GRB10: variants seen among roughly 807,000 people sequenced by gnomAD.
GRB10 encodes the protein growth factor receptor-bound protein 10.
In GRB10, 20 loss-of-function variants were observed where a neutral mutation model predicts 80.9. The observed-to-expected ratio is 0.25, with a 90% CI of 0.17 to 0.36. The LOEUF is 0.36. Ranked by LOEUF, GRB10 falls within the 10% of genes least tolerant of loss-of-function variation. The pLI is 1.00. For synonymous variants in GRB10, 291 were observed against 291.5 expected, an observed-to-expected ratio of 1.00 and a Z score of 0.02; for missense variants, 548 against 747.7, an observed-to-expected ratio of 0.73 and a Z score of 3.12.
chr7:50,736,357 C>A (rs568810367), intron 3 of GRB10, among the ~76,000 whole-genome samples: 59 of 152,304 alleles, frequency 3.9e-4, no homozygotes, highest in Non-Finnish European at 7.6e-4. Flanking sequence ...TCAAAACAGT[C>A]TGGTACTAAC....
chr7:50,758,032 A>G (rs1031211441), intron 2 of GRB10, among the ~76,000 whole-genome samples: 1 of 152,224 alleles, frequency 6.6e-6, no homozygotes. Flanking sequence ...ATTTTCTAGG[A>G]AGTTGATATT....
chr7:50,695,800 ATTT>A, intron 5 of GRB10, among the ~76,000 whole-genome samples: 1 of 152,298 alleles, frequency 6.6e-6, no homozygotes, highest in East Asian at 1.9e-4. Flanking sequence ...TAGTAATTAT[ATTT>A]TTATTTTCAT....
At chr7:50,741,408 T>C (rs2071709950) in intron 3 of GRB10, among the ~76,000 whole-genome samples, 1 of 152,140 alleles carries the variant, frequency 6.6e-6, no homozygotes, top group South Asian at 2.1e-4. Context: ...AAAAACCTGT[T>C]ACATGCTGCC....
chr7:50,687,824 T>G (rs2062290544), intron 5 of GRB10, among the ~76,000 whole-genome samples: 1 of 152,226 alleles, frequency 6.6e-6, no homozygotes. Flanking sequence ...AGATTTCTAT[T>G]TCCAAATGGA....
At chr7:50,752,955 C>T (rs900213554) in intron 3 of GRB10, among the ~76,000 whole-genome samples, 4 of 152,204 alleles carry the variant, frequency 2.6e-5, no homozygotes, top group Admixed American at 1.3e-4. Context: ...CAAGAGCTAA[C>T]GAATAGAAAC....
chr7:50,761,360 G>A (rs1587945156), intron 2 of GRB10, among the ~76,000 whole-genome samples: 1 of 152,022 alleles, frequency 6.6e-6, no homozygotes, highest in African/African-American at 2.4e-5. Flanking sequence ...TTCCTTTTAG[G>A]GAAAAGAAAA....
At chr7:50,786,661 A>C (rs895353787), upstream of GRB10, among the ~76,000 whole-genome samples, 1 of 152,260 alleles carries the variant, frequency 6.6e-6, no homozygotes, top group Non-Finnish European at 1.5e-5. Context: ...GTAAACTGTG[A>C]GAGTAGATGG....
rs1489948586 is a variant in GRB10 at position 50,686,584 on chromosome 7, T to A, written c.140-11926A>T. ...GGGAGAGAGATTTCACAGTGGGGAG[T>A]CATGAGAGAGGAAAAGACTCATGTT... On this transcript the variant is annotated intron_variant, in intron 5 of 18. Transcript: ENST00000401949. 9.9e-5 allele frequency among the ~76,000 whole-genome samples: 15 copies of A among 151,986 alleles called. 1 individual carries two copies. The South Asian group carries it at 1.7e-3, about 17-fold the overall frequency.
Position 50,664,035 on chromosome 7 carries a change from C to T in GRB10, c.504+5687G>A, listed in dbSNP as rs552112994. Reference sequence around the variant, plus strand: ...CATCCAATTTTCTGGTGACACTGGTCCCATGCTCCTGCTGGCCATGCTCGG... The same window carrying T: ...CATCCAATTTTCTGGTGACACTGGTTCCATGCTCCTGCTGGCCATGCTCGG... On this transcript the variant is annotated intron_variant, in intron 7 of 18. Transcript: ENST00000401949. Among the ~76,000 whole-genome samples the T allele has an allele frequency of 2.0e-5, 3 of 152,332 alleles. No individual in the cohort carries two copies. The East Asian group carries it at 5.8e-4, about 29-fold the overall frequency.
chr7:50,625,779 A>C lies in GRB10; in HGVS notation c.661+1043T>G, dbSNP rs1445702667. Among the ~76,000 whole-genome samples the C allele has an allele frequency of 2.0e-5, 3 of 152,264 alleles. No individual in the cohort carries two copies. In the South Asian group the frequency reaches 6.2e-4, roughly 32 times the overall value. On this transcript the variant is annotated intron_variant, in intron 8 of 18. Coordinates refer to ENST00000401949, the MANE Select transcript of GRB10 (RefSeq NM_001350814.2). Reference sequence around the variant, plus strand: ...CTCTCCAAAGTACAGGGCGCATTAGAAAACAGAGACTTAAGGTGGTGTCAG... The same window carrying C: ...CTCTCCAAAGTACAGGGCGCATTAGCAAACAGAGACTTAAGGTGGTGTCAG...
intron 3 of GRB10, among the ~76,000 whole-genome samples, chr7:50,734,484 C>T (rs1232891884): frequency 6.6e-6 from 1 of 152,164 alleles, no homozygotes; most frequent in African/African-American, 2.4e-5. Context: ...CGCACGCCTC[C>T]CTGCTGTGGT....
At chr7:50,597,728 T>G (rs1208501095) in intron 17 of GRB10, among the ~76,000 whole-genome samples, 1 of 152,216 alleles carries the variant, frequency 6.6e-6, no homozygotes, top group Non-Finnish European at 1.5e-5. Flanking sequence ...AGGTTGTCTA[T>G]CTGAGATGAC....
chr7:50,623,590 C>T (rs1375868488), intron 8 of GRB10, among the ~76,000 whole-genome samples: 1 of 152,202 alleles, frequency 6.6e-6, no homozygotes, highest in Non-Finnish European at 1.5e-5. Context: ...CTCAGAGGAG[C>T]GATGCCCTCC....
chr7:50,618,882 CA>C (rs1263865830), intron 9 of GRB10, among the ~76,000 whole-genome samples: 1 of 152,174 alleles, frequency 6.6e-6, no homozygotes, highest in Non-Finnish European at 1.5e-5. Context: ...TTCAAAATAA[CA>C]GAAAACACCC....
intron 4 of GRB10, among the ~76,000 whole-genome samples, chr7:50,725,674 A>T (rs914188062): frequency 6.6e-6 from 1 of 152,248 alleles, no homozygotes; most frequent in Non-Finnish European, 1.5e-5. Context: ...ATGGAAAATT[A>T]AAAGAACACA....
chr7:50,732,036 C>T (rs1045226304), intron 4 of GRB10, among the ~76,000 whole-genome samples: 2 of 152,188 alleles, frequency 1.3e-5, no homozygotes, highest in African/African-American at 2.4e-5. Flanking sequence ...TAGAAAAGTA[C>T]GCACAGTCAA....
At chr7:50,656,211 G>C (rs914106746) in intron 7 of GRB10, among the ~76,000 whole-genome samples, 4 of 152,230 alleles carry the variant, frequency 2.6e-5, no homozygotes, top group African/African-American at 9.6e-5. Flanking sequence ...TGAGCGCAGA[G>C]TGTGAGATGT....
intron 7 of GRB10, among the ~76,000 whole-genome samples, chr7:50,637,622 C>T (rs1225548682): frequency 6.6e-6 from 1 of 152,008 alleles, no homozygotes; most frequent in Non-Finnish European, 1.5e-5. Flanking sequence ...ACTATACTGC[C>T]CCCAAAGCAG....
chr7:50,656,151 G>A (rs146353110), intron 7 of GRB10, among the ~76,000 whole-genome samples: 1 of 152,336 alleles, frequency 6.6e-6, no homozygotes, highest in African/African-American at 2.4e-5. Context: ...GTTATTTCCT[G>A]ACTGTGTCCT....
Sources: gnomAD v4.1 joint callset for allele counts (sites outside exome capture counted in the v4.1 genomes callset) on GRCh38, gnomAD v4.1.1 for gene constraint, MANE v1.5 for transcripts, NCBI Gene and HGNC (gene_info 2026-07-23, HGNC 2026-07-21) for gene names.